The following SLC44A3 variants were observed in gnomAD, a reference collection of about 807,000 sequenced individuals.
SLC44A3 encodes solute carrier family 44 member 3, also known as choline transporter-like protein 3.
In SLC44A3, 74 loss-of-function variants were observed where a neutral mutation model predicts 75.4. That is an observed-to-expected ratio of 0.98 (90% CI 0.81 to 1.19). SLC44A3 has a LOEUF of 1.19. SLC44A3 is among the 50% of genes most tolerant of loss of function. The pLI is 0.00. For missense variants in SLC44A3, 700 were observed against 778.6 expected (o/e 0.90, Z 1.20); for synonymous variants, 310 against 296.9 (o/e 1.04, Z -0.45).
intron 12 of SLC44A3, among the ~76,000 whole-genome samples, chr1:94,867,699 T>C (rs1418830811): frequency 6.8e-6 from 1 of 147,152 alleles, no homozygotes; most frequent in Non-Finnish European, 1.5e-5. Context: ...GTCAAGAAAT[T>C]TTCTTTTTTT....
chr1:94,837,329 A>G (rs1224541079), intron 5 of SLC44A3, among the ~76,000 whole-genome samples: 1 of 152,250 alleles, frequency 6.6e-6, no homozygotes, highest in Non-Finnish European at 1.5e-5. Context: ...AGTTTTCTCA[A>G]AATATGATAA....
chr1:94,874,518 A>G (rs566247688), intron 12 of SLC44A3, among the ~76,000 whole-genome samples: 8 of 152,328 alleles, frequency 5.3e-5, no homozygotes, highest in Admixed American at 1.3e-4. Context: ...AGAGGGAAGT[A>G]ATGTTTGTTG....
intron 5 of SLC44A3, among the ~76,000 whole-genome samples, chr1:94,837,150 T>C (rs1662940637): frequency 6.6e-6 from 1 of 152,062 alleles, no homozygotes; most frequent in Non-Finnish European, 1.5e-5. Context: ...AAACAGAGAA[T>C]AGAATTGTGG....
chr1:94,878,172 C>T (rs528975634), intron 12 of SLC44A3, among the ~76,000 whole-genome samples: 92 of 152,040 alleles, frequency 6.1e-4, no homozygotes, highest in South Asian at 5.6e-3. Context: ...GGGGCGGAGC[C>T]TGCAGTGAGC....
At chr1:94,842,532 G>A (rs573865894) in intron 8 of SLC44A3, among the ~76,000 whole-genome samples, 42 of 152,230 alleles carry the variant, frequency 2.8e-4, no homozygotes, top group Non-Finnish European at 4.1e-4. Flanking sequence ...TTCCAAACCC[G>A]CTGGCCACTG....
chr1:94,823,248 G>A (rs915742917), intron 2 of SLC44A3, among the ~76,000 whole-genome samples: 3 of 152,130 alleles, frequency 2.0e-5, no homozygotes, highest in African/African-American at 4.8e-5. Flanking sequence ...ACTCCAACTC[G>A]AAAGGACGAG....
chr1:94,890,104 C>T (rs1349008824), intron 12 of SLC44A3, among the ~76,000 whole-genome samples: 1 of 152,196 alleles, frequency 6.6e-6, no homozygotes, highest in Admixed American at 6.5e-5. Flanking sequence ...CCCGCCTCGG[C>T]CTCCTAAAGT....
At chr1:94,871,695 C>G (rs1208450860) in intron 12 of SLC44A3, among the ~76,000 whole-genome samples, 1 of 152,224 alleles carries the variant, frequency 6.6e-6, no homozygotes, top group African/African-American at 2.4e-5. Flanking sequence ...TGGTTCCAAA[C>G]TGATCTGAAC....
intron 9 of SLC44A3, among the ~76,000 whole-genome samples, 165 bp downstream of exon 9, chr1:94,845,629 G>T (rs1000930095): frequency 2.6e-5 from 4 of 152,164 alleles, no homozygotes; most frequent in African/African-American, 9.7e-5. Flanking sequence ...AAAGTGGGAA[G>T]TTCTTTTACC....
chr1:94,891,325 A>T, intron 13 of SLC44A3, 58 bp downstream of exon 13: 1 of 1,528,584 alleles, frequency 6.5e-7, no homozygotes. Flanking sequence ...GCCATACAAC[A>T]ATTGGTTTGA....
At chr1:94,865,348 A>G (rs1667033544) in intron 11 of SLC44A3, among the ~76,000 whole-genome samples, 1 of 152,102 alleles carries the variant, frequency 6.6e-6, no homozygotes, top group South Asian at 2.1e-4. Context: ...TGTGTTTCCT[A>G]GAGACAGTCA....
intron 10 of SLC44A3, among the ~76,000 whole-genome samples, chr1:94,860,682 A>G (rs141076051): frequency 4.6e-5 from 7 of 152,344 alleles, no homozygotes; most frequent in African/African-American, 1.2e-4. Flanking sequence ...GTCTATACCT[A>G]GTATAGAGTT....
chr1:94,857,206 T>G, intron 9 of SLC44A3, 129 bp from the exon 10 acceptor site: 2 of 832,674 alleles, frequency 2.4e-6, no homozygotes, highest in South Asian at 2.2e-5. Flanking sequence ...TAAATTATGG[T>G]GGGTACTTGA....
chr1:94,840,139 T>G (rs1663386364), intron 7 of SLC44A3, 102 bp downstream of exon 7: 1 of 968,522 alleles, frequency 1.0e-6, no homozygotes, highest in Non-Finnish European at 1.6e-6. Flanking sequence ...ACATGGAGTC[T>G]TAAAGAGTAT....
At chr1:94,894,782 C>T (rs1301173962) in intron 14 of SLC44A3, 36 bp from the exon 15 acceptor site, 1 of 1,554,130 alleles carries the variant, frequency 6.4e-7, no homozygotes, top group Non-Finnish European at 8.8e-7. Context: ...AGTACAGACA[C>T]ATAATACTAT....
chr1:94,886,544 G>A (rs1330217252), intron 12 of SLC44A3, among the ~76,000 whole-genome samples: 1 of 152,078 alleles, frequency 6.6e-6, no homozygotes, highest in East Asian at 1.9e-4. Context: ...AGGCAACACT[G>A]GGGCCAGCTC....
At position 94,895,215 on chromosome 1, in the gene SLC44A3, C is replaced by A; in HGVS notation, c.*293C>A. ...GAACTGAGGTAAGTTTGTAAGTGCA[C>A]AACTAATAAATAAACCTTTTTAAGA... On this transcript the variant is annotated 3_prime_UTR_variant, in exon 15 of 15. Transcript: ENST00000271227. 2 of 248,254 alleles carry A rather than the reference C, an allele frequency of 8.1e-6. No individual in the cohort carries two copies. The highest frequency in any genetic ancestry group is 1.6e-5 in the Non-Finnish European group (2 of 128,552). 15.4% of individuals were successfully genotyped at this position (248,254 alleles called of 1,614,324 possible).
At chr1:94,841,357 G>A (rs761821675) in intron 7 of SLC44A3, among the ~76,000 whole-genome samples, 1 of 152,118 alleles carries the variant, frequency 6.6e-6, no homozygotes, top group African/African-American at 2.4e-5. Context: ...CATCAGCTCT[G>A]CCCTCAGCAA....
At chr1:94,822,749 A>G (rs564867945) in intron 2 of SLC44A3, among the ~76,000 whole-genome samples, 9 of 152,268 alleles carry the variant, frequency 5.9e-5, no homozygotes, top group South Asian at 2.1e-4. Context: ...GCCTTTTCCT[A>G]TCATCCCTCA....
Sources: gnomAD v4.1 joint callset for allele counts (sites outside exome capture counted in the v4.1 genomes callset) on GRCh38, gnomAD v4.1.1 for gene constraint, MANE v1.5 for transcripts, NCBI Gene and HGNC (gene_info 2026-07-23, HGNC 2026-07-21) for gene names.